SPOCK1: variants seen among roughly 807,000 people sequenced by gnomAD.
SPOCK1 encodes the protein testican-1.
SPOCK1 carries 23 observed loss-of-function variants against 55.3 expected under a neutral mutation model. That is an observed-to-expected ratio of 0.42 (90% CI 0.30 to 0.59). The LOEUF (loss-of-function observed/expected upper bound fraction) is 0.59. Ranked by LOEUF, SPOCK1 falls within the 20% of genes least tolerant of loss-of-function variation. SPOCK1 has a pLI of 0.22. For synonymous variants in SPOCK1, 226 were observed against 221.0 expected (o/e 1.02, Z -0.20); for missense variants, 499 against 552.5 (o/e 0.90, Z 0.97).
At chr5:136,981,735 T>C (rs1373327684) in intron 9 of SPOCK1, among the ~76,000 whole-genome samples, 1 of 152,216 alleles carries the variant, frequency 6.6e-6, no homozygotes, top group East Asian at 1.9e-4. Flanking sequence ...CTACATTCAA[T>C]GCCTAGATTC....
At chr5:137,170,187 T>C (rs938782607) in intron 3 of SPOCK1, among the ~76,000 whole-genome samples, 2 of 152,232 alleles carry the variant, frequency 1.3e-5, no homozygotes, top group Non-Finnish European at 2.9e-5. Flanking sequence ...TATGATACAA[T>C]GTAAATGCCA....
intron 2 of SPOCK1, among the ~76,000 whole-genome samples, chr5:137,353,598 C>G (rs1484213057): frequency 6.6e-6 from 1 of 152,130 alleles, no homozygotes; most frequent in Non-Finnish European, 1.5e-5. Context: ...AAAGTGGCAC[C>G]TTCAACAGAG....
intron 2 of SPOCK1, among the ~76,000 whole-genome samples, chr5:137,325,880 C>G (rs1324816228): frequency 6.6e-6 from 1 of 152,172 alleles, no homozygotes; most frequent in Non-Finnish European, 1.5e-5. Flanking sequence ...GCCACACAGA[C>G]ATGTGGGAGT....
intron 5 of SPOCK1, among the ~76,000 whole-genome samples, chr5:137,085,067 G>C (rs1752938699): frequency 6.6e-6 from 1 of 151,324 alleles, no homozygotes; most frequent in South Asian, 2.1e-4. Flanking sequence ...CATGTATCTA[G>C]AAGACAACTA....
At chr5:137,154,521 C>G (rs1754379259) in intron 3 of SPOCK1, among the ~76,000 whole-genome samples, 1 of 152,206 alleles carries the variant, frequency 6.6e-6, no homozygotes, top group Non-Finnish European at 1.5e-5. Flanking sequence ...GATCTCATGA[C>G]TTTTCCAAGA....
chr5:137,404,470 C>A (rs563012012), intron 2 of SPOCK1, among the ~76,000 whole-genome samples: 4 of 146,234 alleles, frequency 2.7e-5, no homozygotes, highest in African/African-American at 1.0e-4. Context: ...AGTGCAATGG[C>A]GCGATCTTGG....
chr5:137,417,702 ATGC>A (rs1752370070), intron 2 of SPOCK1, among the ~76,000 whole-genome samples: 1 of 152,156 alleles, frequency 6.6e-6, no homozygotes. Flanking sequence ...GTTTGTTCTT[ATGC>A]ATATCTCAAA....
chr5:137,344,440 T>A (rs887793623), intron 2 of SPOCK1, among the ~76,000 whole-genome samples: 5 of 152,236 alleles, frequency 3.3e-5, no homozygotes, highest in Non-Finnish European at 7.3e-5. Context: ...TTGCTGTCAT[T>A]GAAGTGGGCT....
intron 2 of SPOCK1, among the ~76,000 whole-genome samples, chr5:137,441,344 C>T (rs978397093): frequency 6.6e-6 from 1 of 152,230 alleles, no homozygotes; most frequent in African/African-American, 2.4e-5. Context: ...AGAGTCTCCT[C>T]AAGACCTAGC....
intron 3 of SPOCK1, among the ~76,000 whole-genome samples, chr5:137,251,408 C>A (rs761422851): frequency 6.6e-6 from 1 of 152,248 alleles, no homozygotes; most frequent in Non-Finnish European, 1.5e-5. Context: ...CAGGAGACTG[C>A]AGACTAGTCC....
At chr5:137,171,626 G>A (rs1754755988) in intron 3 of SPOCK1, among the ~76,000 whole-genome samples, 1 of 151,814 alleles carries the variant, frequency 6.6e-6, no homozygotes, top group Non-Finnish European at 1.5e-5. Flanking sequence ...AGTAGTTGTT[G>A]GGAAAAAAAA....
At chr5:137,466,709 C>T (rs1040397409) in intron 2 of SPOCK1, among the ~76,000 whole-genome samples, 8 of 152,170 alleles carry the variant, frequency 5.3e-5, no homozygotes, top group Non-Finnish European at 1.2e-4. Flanking sequence ...TAGCACAAGA[C>T]CTTGCCTGTA....
chr5:137,258,166 CAT>C lies in SPOCK1; in HGVS notation c.232+8842_232+8843del, dbSNP rs200136411. 4.3e-3 allele frequency among the ~76,000 whole-genome samples: 653 copies of C among 152,288 alleles called. 5 individuals carry two copies. The highest frequency in any genetic ancestry group is 0.015 in the African/African-American group (605 of 41,548). On this transcript the variant is annotated intron_variant, in intron 3 of 10. Transcript: ENST00000394945. The stretch of plus-strand genomic sequence containing the variant: ...CTCATGCCACATGTGTAATAAATGT[CAT>C]AATTTCTATGTTACAGATAAGAAAA...
chr5:137,148,592 T>C lies in SPOCK1; in HGVS notation c.233-7898A>G, dbSNP rs115040575. On this transcript the variant is annotated intron_variant, in intron 3 of 10. Coordinates refer to ENST00000394945, the MANE Select transcript of SPOCK1 (RefSeq NM_004598.4). Reference sequence around the variant, plus strand: ...AAGTAGAAGGAAAGGGGGAATTAAATAGAAAGGAAGGGGAGGGAGAACATT... The same window carrying C: ...AAGTAGAAGGAAAGGGGGAATTAAACAGAAAGGAAGGGGAGGGAGAACATT... 5.2e-3 allele frequency among the ~76,000 whole-genome samples: 786 copies of C among 152,090 alleles called. 6 individuals carry two copies. The highest frequency in any genetic ancestry group is 0.019 in the African/African-American group (771 of 41,464).
chr5:137,233,685 A>G (rs2075925852), intron 3 of SPOCK1, among the ~76,000 whole-genome samples: 1 of 131,722 alleles, frequency 7.6e-6, no homozygotes, highest in South Asian at 2.4e-4. Context: ...CAATTTTCAC[A>G]TATTCATTGT....
chr5:137,345,905 C>A (rs1421071431), intron 2 of SPOCK1, among the ~76,000 whole-genome samples: 1 of 152,254 alleles, frequency 6.6e-6, no homozygotes, highest in Non-Finnish European at 1.5e-5. Flanking sequence ...CCAGCAGACA[C>A]TGCAGGCACC....
At chr5:137,497,033 T>C (rs970444484) in intron 2 of SPOCK1, among the ~76,000 whole-genome samples, 1 of 152,090 alleles carries the variant, frequency 6.6e-6, no homozygotes, top group African/African-American at 2.4e-5. Context: ...AAGCTATGAG[T>C]GCATCTCCTC....
intron 5 of SPOCK1, among the ~76,000 whole-genome samples, chr5:137,069,613 G>T (rs1266336369): frequency 6.6e-6 from 1 of 152,198 alleles, no homozygotes; most frequent in Admixed American, 6.5e-5. Flanking sequence ...ACGCCGGGAA[G>T]GCAGCAGGCA....
chr5:137,088,556 T>A (rs1236105297), intron 5 of SPOCK1, among the ~76,000 whole-genome samples: 1 of 152,194 alleles, frequency 6.6e-6, no homozygotes, highest in East Asian at 1.9e-4. Context: ...CTAATCCTCC[T>A]GCCCCTCGTC....
Sources: gnomAD v4.1 joint callset for allele counts (sites outside exome capture counted in the v4.1 genomes callset) on GRCh38, gnomAD v4.1.1 for gene constraint, MANE v1.5 for transcripts, NCBI Gene and HGNC (gene_info 2026-07-23, HGNC 2026-07-21) for gene names.